The following CEP128 variants were observed in gnomAD, a reference collection of about 807,000 sequenced individuals.
CEP128 encodes centrosomal protein 128kDa.
CEP128 carries 132 observed loss-of-function variants against 156.7 expected under a neutral mutation model. That is an observed-to-expected ratio of 0.84 (90% confidence interval 0.73 to 0.97). CEP128 has a LOEUF of 0.97. Among genes scored for constraint, CEP128 ranks in the 50% least tolerant of loss-of-function variants. The pLI, the probability that CEP128 is intolerant of heterozygous loss-of-function variation, is 0.00. For synonymous variants in CEP128, 469 were observed against 448.9 expected (o/e 1.04, Z -0.57); for missense variants, 1,252 against 1,281.9 (o/e 0.98, Z 0.36).
downstream of CEP128, among the ~76,000 whole-genome samples, chr14:80,490,276 A>G (rs1486511507): frequency 6.6e-6 from 1 of 152,172 alleles, no homozygotes; most frequent in Non-Finnish European, 1.5e-5. Flanking sequence ...TCAAGGAATC[A>G]TCAAATTAAA....
chr14:80,855,040 G>A (rs746555329), intron 9 of CEP128, among the ~76,000 whole-genome samples: 6 of 152,162 alleles, frequency 3.9e-5, no homozygotes, highest in Non-Finnish European at 7.3e-5. Context: ...AATAAAAAGT[G>A]TGGCTCAAAA....
chr14:80,693,583 T>C (rs938983238), intron 19 of CEP128, among the ~76,000 whole-genome samples: 2 of 152,174 alleles, frequency 1.3e-5, no homozygotes, highest in Non-Finnish European at 2.9e-5. Context: ...TTAAAGATAT[T>C]TTGTGAAGCA....
chr14:80,744,133 C>G (rs1898977816), intron 18 of CEP128, among the ~76,000 whole-genome samples: 1 of 152,008 alleles, frequency 6.6e-6, no homozygotes, highest in Non-Finnish European at 1.5e-5. Context: ...TCTCAGCCTC[C>G]CGAAGTACTA....
downstream of CEP128, among the ~76,000 whole-genome samples, chr14:80,489,289 A>G (rs1887245736): frequency 8.8e-6 from 1 of 113,158 alleles, no homozygotes; most frequent in African/African-American, 3.1e-5. Flanking sequence ...AAAAAAAAAA[A>G]GTCACACACC....
chr14:80,481,066 G>A lies in CEP128; in HGVS notation c.*311-2659C>T, dbSNP rs558664685. On this transcript the variant is annotated intron_variant and NMD_transcript_variant, in intron 14 of 14. Coordinates refer to the CEP128 transcript ENST00000554502. Reference sequence around the variant, plus strand: ...CTGCCTGTTACCCAGTTCCAAAGTCGCTTCCACATTTTCGGGTATGTTTTC... The same window carrying A: ...CTGCCTGTTACCCAGTTCCAAAGTCACTTCCACATTTTCGGGTATGTTTTC... Among the ~76,000 whole-genome samples, 5 of 152,200 alleles carry A rather than the reference G, an allele frequency of 3.3e-5. No individual in the cohort carries two copies. In the South Asian group the frequency reaches 6.2e-4, roughly 19 times the overall value.
At chr14:80,748,068 C>T (rs78781540) in intron 18 of CEP128, among the ~76,000 whole-genome samples, 2 of 152,108 alleles carry the variant, frequency 1.3e-5, no homozygotes, top group East Asian at 3.9e-4. Flanking sequence ...GAGAGTAAGT[C>T]AAGGCAGAAA....
intron 16 of CEP128, among the ~76,000 whole-genome samples, 155 bp from the exon 17 acceptor site, chr14:80,761,768 C>T (rs1333565344): frequency 6.6e-6 from 1 of 152,106 alleles, no homozygotes; most frequent in Admixed American, 6.5e-5. Context: ...CTTTAATCTA[C>T]TCATTAACTG....
intron 19 of CEP128, among the ~76,000 whole-genome samples, chr14:80,635,728 A>C (rs1016844740): frequency 2.0e-5 from 3 of 152,168 alleles, no homozygotes; most frequent in African/African-American, 7.2e-5. Flanking sequence ...TTTCCTCCTA[A>C]AGGTTGAGCC....
At chr14:80,724,078 T>C (rs1445799859) in intron 19 of CEP128, among the ~76,000 whole-genome samples, 7 of 152,142 alleles carry the variant, frequency 4.6e-5, no homozygotes, top group South Asian at 2.1e-4. Context: ...CTTATGGAGA[T>C]TGGGTACTGT....
intron 23 of CEP128, among the ~76,000 whole-genome samples, chr14:80,512,565 G>T (rs190815165): frequency 9.1e-4 from 139 of 151,958 alleles, no homozygotes; most frequent in African/African-American, 3.3e-3. Context: ...TCTGATTGGA[G>T]AATTTAGTCT....
chr14:80,722,815 C>G (rs1307055161), intron 19 of CEP128, among the ~76,000 whole-genome samples: 2 of 140,222 alleles, frequency 1.4e-5, no homozygotes, highest in Non-Finnish European at 3.0e-5. Context: ...AGAGGTTACT[C>G]TTTATCTTTT....
At chr14:80,593,888 C>T (rs558206643) in intron 19 of CEP128, among the ~76,000 whole-genome samples, 1 of 152,260 alleles carries the variant, frequency 6.6e-6, no homozygotes, top group South Asian at 2.1e-4. Context: ...GTGAAAATGG[C>T]CATACTGCCC....
At chr14:80,539,994 G>A (rs924256765) in intron 21 of CEP128, among the ~76,000 whole-genome samples, 8 of 152,070 alleles carry the variant, frequency 5.3e-5, no homozygotes, top group South Asian at 2.1e-4. Flanking sequence ...CTCTGCTCTC[G>A]AACCCTGTTT....
At chr14:80,530,661 C>A in intron 22 of CEP128, 148 bp downstream of exon 22, 2 of 452,878 alleles carry the variant, frequency 4.4e-6, no homozygotes, top group Non-Finnish European at 8.0e-6. Flanking sequence ...TCACAAATGT[C>A]AATAAACCCT....
intron 5 of CEP128, 45 bp from the exon 6 acceptor site, chr14:80,904,976 GA>G (rs757751964): frequency 3.8e-5 from 42 of 1,092,114 alleles, no homozygotes; most frequent in Non-Finnish European, 5.4e-5. Context: ...TACTGCATGA[GA>G]AGAGACAATC....
chr14:80,836,002 G>C (rs1264026185), intron 12 of CEP128, among the ~76,000 whole-genome samples: 1 of 152,124 alleles, frequency 6.6e-6, no homozygotes, highest in Non-Finnish European at 1.5e-5. Flanking sequence ...AACCCAAATG[G>C]GTTTGAACCA....
At chr14:80,736,019 A>G (rs1898510191) in intron 19 of CEP128, among the ~76,000 whole-genome samples, 1 of 152,188 alleles carries the variant, frequency 6.6e-6, no homozygotes, top group Non-Finnish European at 1.5e-5. Flanking sequence ...ACATATTCAC[A>G]GATTCAACCC....
At chr14:80,839,691 C>T (rs771332472) in intron 10 of CEP128, among the ~76,000 whole-genome samples, 5 of 151,972 alleles carry the variant, frequency 3.3e-5, no homozygotes, top group Non-Finnish European at 7.4e-5. Flanking sequence ...TTACAATATC[C>T]TATAAATCTA....
intron 19 of CEP128, among the ~76,000 whole-genome samples, chr14:80,717,199 C>T (rs1246066973): frequency 1.3e-5 from 2 of 152,192 alleles, no homozygotes; most frequent in Non-Finnish European, 1.5e-5. Flanking sequence ...CTCTTAAAGG[C>T]AGAGACTCTG....
Sources: gnomAD v4.1 joint callset for allele counts (sites outside exome capture counted in the v4.1 genomes callset) on GRCh38, gnomAD v4.1.1 for gene constraint, MANE v1.5 for transcripts, NCBI Gene and HGNC (gene_info 2026-07-23, HGNC 2026-07-21) for gene names.